The following CCDC12 variants were observed in gnomAD, a reference collection of about 807,000 sequenced individuals.
CCDC12 encodes the protein coiled-coil domain-containing protein 12.
Under a neutral mutation model 25.7 loss-of-function variants are expected in CCDC12, and 28 were observed. That is an observed-to-expected ratio of 1.09 (90% CI 0.81 to 1.50). The LOEUF (loss-of-function observed/expected upper bound fraction) is 1.50, where lower values mean the gene tolerates loss of function less well. Among genes scored for constraint, CCDC12 ranks in the 40% most tolerant of loss-of-function variants. The pLI is 0.00. For synonymous variants in CCDC12, 75 were observed against 87.7 expected, an observed-to-expected ratio of 0.86 and a Z score of 0.81; for missense variants, 198 against 210.0, an observed-to-expected ratio of 0.94 and a Z score of 0.35.
chr3:46,940,714 A>C, intron 2 of CCDC12: 1 of 427,848 alleles, frequency 2.3e-6, no homozygotes, highest in Non-Finnish European at 4.2e-6. Flanking sequence ...CCACGCCACA[A>C]AAGGTGTATG....
chr3:46,924,225 C>T (rs905851609), intron 3 of CCDC12: 2 of 152,468 alleles, frequency 1.3e-5, no homozygotes, highest in South Asian at 2.1e-4. Flanking sequence ...CAACTCTGGG[C>T]TCTGTGGGCT....
At chr3:46,922,448 C>A (rs1253814993) in intron 5 of CCDC12, 136 bp from the exon 6 acceptor site, 25 of 859,392 alleles carry the variant, frequency 2.9e-5, no homozygotes, top group Non-Finnish European at 4.0e-5. Flanking sequence ...GGGAAGAGGC[C>A]AGGACATTCC....
intron 1 of CCDC12, among the ~76,000 whole-genome samples, chr3:46,965,711 C>A (rs1311452310): frequency 1.3e-5 from 2 of 152,190 alleles, no homozygotes; most frequent in Non-Finnish European, 2.9e-5. Context: ...CTCCCTGGCC[C>A]ATCCCTCTGG....
At chr3:46,952,031 G>T (rs1465335039) in intron 1 of CCDC12, among the ~76,000 whole-genome samples, 1 of 151,126 alleles carries the variant, frequency 6.6e-6, no homozygotes, top group Non-Finnish European at 1.5e-5. Context: ...TTAGCACAAA[G>T]GTGTTCTTCC....
intron 2 of CCDC12, among the ~76,000 whole-genome samples, chr3:46,927,314 G>A (rs766197381): frequency 1.3e-5 from 2 of 152,176 alleles, no homozygotes; most frequent in Non-Finnish European, 1.5e-5. Flanking sequence ...AAAGGCTTTC[G>A]TTCACAACAG....
intron 2 of CCDC12, among the ~76,000 whole-genome samples, chr3:46,927,250 G>A (rs1359747554): frequency 6.6e-6 from 1 of 152,178 alleles, no homozygotes. Context: ...GGGCCTGGAG[G>A]TACATGTCAG....
At chr3:46,962,112 T>G (rs939366344) in intron 1 of CCDC12, among the ~76,000 whole-genome samples, 13 of 152,168 alleles carry the variant, frequency 8.5e-5, no homozygotes, top group Non-Finnish European at 1.5e-4. Context: ...TAAACTACAT[T>G]AAAATTAAGA....
At chr3:46,939,120 G>C (rs2107134066) in intron 2 of CCDC12, among the ~76,000 whole-genome samples, 1 of 152,330 alleles carries the variant, frequency 6.6e-6, no homozygotes, top group Non-Finnish European at 1.5e-5. Context: ...GCCCTGCACA[G>C]AGCAGACAAC....
At chr3:46,938,525 T>G (rs952488879) in intron 2 of CCDC12, among the ~76,000 whole-genome samples, 9 of 144,298 alleles carry the variant, frequency 6.2e-5, no homozygotes, top group Admixed American at 2.7e-4. Flanking sequence ...CCTGTTTTTT[T>G]TTTTTTTTTT....
intron 2 of CCDC12, among the ~76,000 whole-genome samples, chr3:46,931,309 G>A (rs1323573755): frequency 6.6e-6 from 1 of 152,152 alleles, no homozygotes; most frequent in Non-Finnish European, 1.5e-5. Flanking sequence ...TCACCCCTAG[G>A]GTGCTTTTTC....
chr3:46,965,761 G>A (rs922782016), intron 1 of CCDC12, among the ~76,000 whole-genome samples: 1 of 152,224 alleles, frequency 6.6e-6, no homozygotes, highest in South Asian at 2.1e-4. Flanking sequence ...CTGTGTGATT[G>A]TGTTTGGTCC....
At chr3:46,958,599 A>G (rs1336244411) in intron 1 of CCDC12, among the ~76,000 whole-genome samples, 1 of 152,224 alleles carries the variant, frequency 6.6e-6, no homozygotes, top group African/African-American at 2.4e-5. Context: ...AAACGCATCC[A>G]GCACTTTATA....
At chr3:46,980,203 C>G (rs1354022631), upstream of CCDC12, among the ~76,000 whole-genome samples, 1 of 152,172 alleles carries the variant, frequency 6.6e-6, no homozygotes, top group African/African-American at 2.4e-5. Flanking sequence ...AGGAGAGTGG[C>G]CTGGGCCGAG....
At chr3:46,955,273 G>A (rs1417739894) in intron 1 of CCDC12, among the ~76,000 whole-genome samples, 4 of 152,184 alleles carry the variant, frequency 2.6e-5, no homozygotes, top group Admixed American at 6.5e-5. Flanking sequence ...CTGCCTAGTT[G>A]CTTCTTCATT....
chr3:46,940,301 G>C (rs1197153566), intron 2 of CCDC12, among the ~76,000 whole-genome samples: 2 of 152,210 alleles, frequency 1.3e-5, no homozygotes, highest in Non-Finnish European at 2.9e-5. Flanking sequence ...GGAAGACCTT[G>C]TGCCTGCAAT....
rs185855096 is a variant in CCDC12, at chr3:46,938,430, G to A, written c.164+2568C>T. 6.4e-4 allele frequency among the ~76,000 whole-genome samples: 97 copies of A among 151,776 alleles called. 2 individuals carry two copies. Among genetic ancestry groups the A allele is most frequent in the African/African-American group, 2.0e-3 (84 of 41,332 alleles). On this transcript the variant is annotated intron_variant, in intron 2 of 6. Coordinates refer to ENST00000683445, the MANE Select transcript of CCDC12 (RefSeq NM_001277074.2). ...ATATCTCAGGCACACAGAAAAGTCC[G>A]GAGAATAACCTAACACATATACTCA...
chr3:46,924,211 C>T (rs2032835436), intron 3 of CCDC12: 1 of 152,474 alleles, frequency 6.6e-6, no homozygotes, highest in Admixed American at 6.5e-5. Context: ...GGCAGAAGCA[C>T]TAACAACTCT....
chr3:46,927,317 C>T (rs2033004922), intron 2 of CCDC12, among the ~76,000 whole-genome samples: 1 of 152,138 alleles, frequency 6.6e-6, no homozygotes, highest in Admixed American at 6.5e-5. Context: ...GGCTTTCGTT[C>T]ACAACAGGGT....
At chr3:46,981,583 C>T (rs1421334658), upstream of CCDC12, among the ~76,000 whole-genome samples, 1 of 152,228 alleles carries the variant, frequency 6.6e-6, no homozygotes, top group African/African-American at 2.4e-5. Context: ...CTCGCCCCAG[C>T]TTCTCTGCCT....
Sources: allele counts gnomAD v4.1 joint callset (sites outside exome capture counted in the v4.1 genomes callset), GRCh38; gene constraint gnomAD v4.1.1; transcripts MANE v1.5; gene names NCBI Gene and HGNC (gene_info 2026-07-23, HGNC 2026-07-21).